The following PLXDC2 variants were observed in gnomAD, a reference collection of about 807,000 sequenced individuals.
PLXDC2 encodes the protein plexin domain containing 2.
A neutral mutation model predicts 68.9 loss-of-function variants in PLXDC2; 40 were observed. That is an observed-to-expected ratio of 0.58 (90% confidence interval 0.45 to 0.76). The LOEUF is 0.76. Ranked by LOEUF, PLXDC2 falls within the 30% of genes least tolerant of loss-of-function variation. The pLI is 0.00. For missense variants in PLXDC2, 644 were observed against 661.9 expected (o/e 0.97, Z 0.30); for synonymous variants, 243 against 234.2 (o/e 1.04, Z -0.34).
intron 3 of PLXDC2, 74 bp from the exon 4 acceptor site, chr10:20,068,096 A>C: frequency 1.5e-6 from 2 of 1,291,992 alleles, no homozygotes; most frequent in Non-Finnish European, 1.1e-6. Context: ...TTTTGTTTTA[A>C]GTGAAAGGCT....
chr10:19,909,031 T>C (rs1221379790), intron 1 of PLXDC2, among the ~76,000 whole-genome samples: 1 of 152,206 alleles, frequency 6.6e-6, no homozygotes, highest in Non-Finnish European at 1.5e-5. Flanking sequence ...CTTATGACTG[T>C]TTCCTATGAT....
chr10:19,908,274 GA>G lies in PLXDC2; in HGVS notation c.112+91086del, dbSNP rs145516174. ...GAAATAAAACACATGTTTATAAATT[GA>G]AATAGGACATTTTAAGAAGTTTTCT... On this transcript the variant is annotated intron_variant, in intron 1 of 13. Transcript: ENST00000377252. Among the ~76,000 whole-genome samples, 680 of 152,178 alleles carry G rather than the reference GA, an allele frequency of 4.5e-3. 8 individuals are homozygous for G. Among genetic ancestry groups the G allele is most frequent in the African/African-American group, 0.016 (659 of 41,522 alleles).
intron 1 of PLXDC2, among the ~76,000 whole-genome samples, chr10:19,859,017 AGC>A (rs1321062101): frequency 6.8e-6 from 1 of 147,360 alleles, no homozygotes; most frequent in Non-Finnish European, 1.5e-5. Flanking sequence ...TGAGAAAAGC[AGC>A]GAGAGAGAGA....
intron 1 of PLXDC2, among the ~76,000 whole-genome samples, chr10:19,911,530 C>G (rs960191813): frequency 6.6e-6 from 1 of 152,112 alleles, no homozygotes; most frequent in South Asian, 2.1e-4. Flanking sequence ...TTCAGTAGAG[C>G]CTTTGTCAAA....
At chr10:20,200,114 A>T (rs1834896663) in intron 9 of PLXDC2, among the ~76,000 whole-genome samples, 1 of 151,376 alleles carries the variant, frequency 6.6e-6, no homozygotes, top group Non-Finnish European at 1.5e-5. Context: ...TCACTATGTA[A>T]ATATACAAAC....
At chr10:20,219,379 G>C (rs1835181838) in intron 12 of PLXDC2, among the ~76,000 whole-genome samples, 1 of 151,992 alleles carries the variant, frequency 6.6e-6, no homozygotes, top group African/African-American at 2.4e-5. Context: ...TCTAGTCTTT[G>C]TTGTATTATA....
chr10:20,105,036 C>A (rs1833472617), intron 4 of PLXDC2, among the ~76,000 whole-genome samples: 1 of 119,218 alleles, frequency 8.4e-6, no homozygotes, highest in South Asian at 2.7e-4. Flanking sequence ...GGCGACAGAG[C>A]TAGACTCCAT....
chr10:20,278,729 C>T (rs867884013), intron 13 of PLXDC2, among the ~76,000 whole-genome samples: 1 of 151,984 alleles, frequency 6.6e-6, no homozygotes, highest in Non-Finnish European at 1.5e-5. Flanking sequence ...TAGAAAGATA[C>T]CAAATGCCAG....
At chr10:19,913,339 G>A (rs1471052571) in intron 1 of PLXDC2, among the ~76,000 whole-genome samples, 1 of 151,862 alleles carries the variant, frequency 6.6e-6, no homozygotes, top group Admixed American at 6.6e-5. Flanking sequence ...TCCTTCCACC[G>A]TGATTGTAAG....
chr10:19,926,850 A>C (rs1833544788), intron 1 of PLXDC2, among the ~76,000 whole-genome samples: 1 of 152,190 alleles, frequency 6.6e-6, no homozygotes, highest in African/African-American at 2.4e-5. Flanking sequence ...AGAGCCCTTG[A>C]CATTTTGATC....
chr10:20,279,142 T>C (rs1387653019), intron 13 of PLXDC2, among the ~76,000 whole-genome samples: 1 of 152,228 alleles, frequency 6.6e-6, no homozygotes, highest in Admixed American at 6.5e-5. Context: ...AAAGAAATCA[T>C]AGATGGGTAT....
chr10:19,990,951 G>C (rs185352775), intron 1 of PLXDC2, among the ~76,000 whole-genome samples: 1 of 152,180 alleles, frequency 6.6e-6, no homozygotes, highest in Non-Finnish European at 1.5e-5. Flanking sequence ...AAATAGTATT[G>C]AAAGTATGAT....
intron 4 of PLXDC2, among the ~76,000 whole-genome samples, chr10:20,140,497 T>C (rs1161649796): frequency 1.3e-5 from 2 of 151,744 alleles, no homozygotes; most frequent in Non-Finnish European, 2.9e-5. Context: ...AGTAAATGTC[T>C]AATGGGGTGT....
At chr10:20,013,055 T>A (rs1166171053) in intron 2 of PLXDC2, among the ~76,000 whole-genome samples, 2 of 152,230 alleles carry the variant, frequency 1.3e-5, no homozygotes, top group African/African-American at 4.8e-5. Flanking sequence ...AATTTCTAAC[T>A]CTTTTGTAAA....
At chr10:20,015,909 G>A (rs536273698) in intron 2 of PLXDC2, among the ~76,000 whole-genome samples, 1 of 152,148 alleles carries the variant, frequency 6.6e-6, no homozygotes, top group South Asian at 2.1e-4. Flanking sequence ...TCTCAACCAA[G>A]TATTTCTTTT....
intron 1 of PLXDC2, among the ~76,000 whole-genome samples, chr10:19,850,807 G>A (rs1008967788): frequency 6.6e-6 from 1 of 152,132 alleles, no homozygotes; most frequent in Admixed American, 6.6e-5. Context: ...GGCAACCCCA[G>A]ACCTGGAGCT....
chr10:20,268,819 T>C (rs1835901237), intron 13 of PLXDC2, among the ~76,000 whole-genome samples: 1 of 152,216 alleles, frequency 6.6e-6, no homozygotes, highest in African/African-American at 2.4e-5. Flanking sequence ...TCTTGTCTTT[T>C]AACTCAGTCA....
At chr10:20,004,628 A>G (rs1287098854) in intron 2 of PLXDC2, among the ~76,000 whole-genome samples, 1 of 152,196 alleles carries the variant, frequency 6.6e-6, no homozygotes, top group Non-Finnish European at 1.5e-5. Context: ...GTATGTAAAG[A>G]CTTTTAAATT....
In PLXDC2 at chr10:20,115,153, C is replaced by T. The variant is rs74480840; in HGVS notation, c.542-28142C>T. Among the ~76,000 whole-genome samples the T allele has an allele frequency of 2.7e-3, 404 of 152,234 alleles. 3 individuals carry two copies. Among genetic ancestry groups the T allele is most frequent in the African/African-American group, 9.3e-3 (388 of 41,532 alleles). ...GTTGCCATAAACCAGAGGGCCAGCA[C>T]GTTACTCTTTCACCTGTCACCGGCA... is the stretch of plus-strand genomic sequence containing the variant. On this transcript the variant is annotated intron_variant, in intron 4 of 13. Transcript: ENST00000377252.
Sources: allele counts gnomAD v4.1 joint callset (sites outside exome capture counted in the v4.1 genomes callset), GRCh38; gene constraint gnomAD v4.1.1; transcripts MANE v1.5; gene names NCBI Gene and HGNC (gene_info 2026-07-23, HGNC 2026-07-21).